CCDC178: variants seen among roughly 807,000 people sequenced by gnomAD.
CCDC178 encodes the protein coiled-coil domain containing 178.
Under a neutral mutation model 117.4 loss-of-function variants are expected in CCDC178, and 126 were observed. That is an observed-to-expected ratio of 1.07 (90% confidence interval 0.93 to 1.24). The LOEUF (loss-of-function observed/expected upper bound fraction) is 1.24, where lower values mean the gene tolerates loss of function less well. Among genes scored for constraint, CCDC178 ranks in the 50% most tolerant of loss-of-function variants. The pLI is 0.00. For missense variants in CCDC178, 1,030 were observed against 986.9 expected, an observed-to-expected ratio of 1.04 and a Z score of -0.59; for synonymous variants, 283 against 313.4, an observed-to-expected ratio of 0.90 and a Z score of 1.02.
At chr18:33,127,128 T>G (rs776983654) in intron 20 of CCDC178, among the ~76,000 whole-genome samples, 1 of 151,772 alleles carries the variant, frequency 6.6e-6, no homozygotes, top group Non-Finnish European at 1.5e-5. Flanking sequence ...TATACTAAAG[T>G]TTTTATTTTT....
chr18:33,194,570 T>C (rs571850297), intron 20 of CCDC178, among the ~76,000 whole-genome samples: 2 of 152,286 alleles, frequency 1.3e-5, no homozygotes, highest in South Asian at 2.1e-4. Flanking sequence ...CAATAAAACT[T>C]TGTATTTCTA....
chr18:33,241,428 T>TCG (rs1477213902), intron 15 of CCDC178, among the ~76,000 whole-genome samples: 1 of 54,502 alleles, frequency 1.8e-5, no homozygotes, highest in African/African-American at 6.8e-5. Flanking sequence ...GATTATATGA[T>TCG]CGTGTGTGTG....
chr18:33,283,776 G>T (rs565879021), intron 12 of CCDC178, among the ~76,000 whole-genome samples: 1 of 152,280 alleles, frequency 6.6e-6, no homozygotes, highest in East Asian at 1.9e-4. Context: ...GTGAGATTGT[G>T]GAGAAAAAGG....
At chr18:33,318,327 A>C (rs1227544293) in intron 11 of CCDC178, among the ~76,000 whole-genome samples, 1 of 152,210 alleles carries the variant, frequency 6.6e-6, no homozygotes, top group Admixed American at 6.5e-5. Flanking sequence ...GGAGAAGCTG[A>C]GATCATTGGA....
Position 33,403,563 on chromosome 18 carries a change from G to T in CCDC178, c.59-6355C>A, listed in dbSNP as rs974305740. On this transcript the variant is annotated intron_variant, in intron 3 of 22. Coordinates refer to ENST00000383096, the MANE Select transcript of CCDC178 (RefSeq NM_001105528.4). Reference sequence around the variant, plus strand: ...ATAGACTTTTGTCAAAATCAGTTTGGATACTACAGTTACACTTTGATACAT... The same window carrying T: ...ATAGACTTTTGTCAAAATCAGTTTGTATACTACAGTTACACTTTGATACAT... Among the ~76,000 whole-genome samples the T allele has an allele frequency of 6.6e-5, 10 of 151,512 alleles. 1 individual carries two copies. The highest frequency in any genetic ancestry group is 5.9e-5 in the Non-Finnish European group (4 of 67,912).
At chr18:33,339,356 C>T (rs551155562) in intron 9 of CCDC178, among the ~76,000 whole-genome samples, 7 of 151,238 alleles carry the variant, frequency 4.6e-5, no homozygotes, top group South Asian at 2.1e-4. Context: ...TGAATGACCA[C>T]GAAATAAAGA....
At chr18:33,308,378 G>C (rs2062287334) in intron 11 of CCDC178, among the ~76,000 whole-genome samples, 2 of 152,242 alleles carry the variant, frequency 1.3e-5, no homozygotes, top group South Asian at 4.1e-4. Flanking sequence ...ACTCCCATTT[G>C]GAATGAGTTT....
intron 4 of CCDC178, among the ~76,000 whole-genome samples, chr18:33,395,609 C>T (rs1568199566): frequency 6.6e-6 from 1 of 152,076 alleles, no homozygotes; most frequent in East Asian, 1.9e-4. Context: ...GGACACTCTA[C>T]CGAAGCCTCT....
intron 7 of CCDC178, among the ~76,000 whole-genome samples, chr18:33,350,844 C>T (rs2062966532): frequency 6.6e-6 from 1 of 152,016 alleles, no homozygotes; most frequent in African/African-American, 2.4e-5. Flanking sequence ...GAGGAGCCGA[C>T]AAACTGTTTC....
chr18:33,316,422 C>T (rs917195319), intron 11 of CCDC178, among the ~76,000 whole-genome samples: 25 of 152,114 alleles, frequency 1.6e-4, no homozygotes, highest in African/African-American at 5.8e-4. Context: ...CGTGAGGCAG[C>T]GCTCCGGACC....
rs1170431311 is a variant in CCDC178, at chr18:33,245,102, TTTC to T, written c.1593+140_1593+142del. The T allele has an allele frequency of 1.2e-5, 9 of 741,452 alleles. No homozygotes were observed. The African/African-American group carries it at 1.7e-4, about 14-fold the overall frequency. 45.9% of individuals were successfully genotyped at this position (741,452 alleles called of 1,614,324 possible). A position where few individuals can be genotyped will look rare whatever the true frequency, so the allele number is the denominator to read the frequency against. On this transcript the variant is annotated intron_variant, in intron 15 of 22. Transcript: ENST00000383096. The stretch of plus-strand genomic sequence containing the variant: ...AGCTGAGCCTTTGGAGAGAGGTGGT[TTTC>T]TTCTCATTTATAAGAAGTGAGTTTT...
chr18:33,046,698 A>AG (rs1198107908), intron 21 of CCDC178, among the ~76,000 whole-genome samples: 1 of 152,176 alleles, frequency 6.6e-6, no homozygotes, highest in African/African-American at 2.4e-5. Context: ...TTGAGACTGA[A>AG]GGAGCAGGCA....
At chr18:33,417,431 G>C (rs2063959232) in intron 2 of CCDC178, among the ~76,000 whole-genome samples, 1 of 152,108 alleles carries the variant, frequency 6.6e-6, no homozygotes, top group Non-Finnish European at 1.5e-5. Flanking sequence ...TAGGCCTAGA[G>C]ATAGGGGAGG....
intron 18 of CCDC178, among the ~76,000 whole-genome samples, chr18:33,216,288 T>C (rs144092717): frequency 7.8e-4 from 118 of 152,216 alleles, no homozygotes; most frequent in Middle Eastern, 3.4e-3. Context: ...ACAAAGTGCA[T>C]TGGCAGGCGG....
intron 21 of CCDC178, among the ~76,000 whole-genome samples, chr18:33,034,422 C>T (rs1276344446): frequency 2.0e-5 from 3 of 151,968 alleles, no homozygotes; most frequent in African/African-American, 4.8e-5. Flanking sequence ...GGTCAAACTC[C>T]TCATGGCAGC....
At chr18:33,432,664 C>G (rs1368418071) in intron 2 of CCDC178, among the ~76,000 whole-genome samples, 1 of 152,142 alleles carries the variant, frequency 6.6e-6, no homozygotes. Context: ...AAGACTGAAT[C>G]TCCCAATAAG....
At chr18:32,984,858 C>A (rs1458625351) in intron 21 of CCDC178, among the ~76,000 whole-genome samples, 1 of 151,846 alleles carries the variant, frequency 6.6e-6, no homozygotes, top group Non-Finnish European at 1.5e-5. Context: ...CACTTCCTTG[C>A]CTGCTTGTCA....
At chr18:32,987,176 A>G (rs1437544569) in intron 21 of CCDC178, among the ~76,000 whole-genome samples, 3 of 152,012 alleles carry the variant, frequency 2.0e-5, no homozygotes, top group African/African-American at 7.2e-5. Context: ...ATAACCATAT[A>G]TGGATTACAT....
intron 16 of CCDC178, among the ~76,000 whole-genome samples, chr18:33,225,861 T>C (rs970895199): frequency 1.3e-4 from 18 of 141,998 alleles, no homozygotes; most frequent in African/African-American, 4.7e-4. Context: ...GTGTAGATCA[T>C]CTCAAAAAAC....
Sources: gnomAD v4.1 joint callset for allele counts (sites outside exome capture counted in the v4.1 genomes callset) on GRCh38, gnomAD v4.1.1 for gene constraint, MANE v1.5 for transcripts, NCBI Gene and HGNC (gene_info 2026-07-23, HGNC 2026-07-21) for gene names.